ARHGAP26: variants seen among roughly 807,000 people sequenced by gnomAD.
The protein encoded by ARHGAP26 is rho GTPase-activating protein 26.
In ARHGAP26, 38 loss-of-function variants were observed where a neutral mutation model predicts 104.8. That is an observed-to-expected ratio of 0.36 (90% CI 0.28 to 0.48). The LOEUF (loss-of-function observed/expected upper bound fraction) is 0.48, where lower values mean the gene tolerates loss of function less well. Among genes scored for constraint, ARHGAP26 ranks in the 20% least tolerant of loss-of-function variants. The pLI is 0.99. For missense variants in ARHGAP26, 704 were observed against 947.9 expected (o/e 0.74, Z 3.38); for synonymous variants, 341 against 340.0 (o/e 1.00, Z -0.03).
At chr5:142,893,137 C>T (rs1174839916) in intron 5 of ARHGAP26, among the ~76,000 whole-genome samples, 1 of 151,822 alleles carries the variant, frequency 6.6e-6, no homozygotes, top group Non-Finnish European at 1.5e-5. Context: ...GCTACCATGC[C>T]CAGCTAATTT....
At chr5:143,207,511 T>A in intron 21 of ARHGAP26, 4 of 1,607,540 alleles carry the variant, frequency 2.5e-6, no homozygotes, top group Non-Finnish European at 3.4e-6. Flanking sequence ...TTCCCGTTTA[T>A]CCAAAGCTGG....
intron 10 of ARHGAP26, among the ~76,000 whole-genome samples, chr5:142,930,107 A>G (rs1764494465): frequency 6.6e-6 from 1 of 152,226 alleles, no homozygotes. Flanking sequence ...ATTCTGAAGC[A>G]GGTGGTACAG....
At chr5:142,913,681 A>G (rs1762126004) in intron 10 of ARHGAP26, among the ~76,000 whole-genome samples, 1 of 152,162 alleles carries the variant, frequency 6.6e-6, no homozygotes, top group Admixed American at 6.5e-5. Context: ...TTTTTAACTG[A>G]AAAAGTTAGT....
At chr5:143,090,930 T>C (rs1169811495) in intron 17 of ARHGAP26, among the ~76,000 whole-genome samples, 1 of 152,152 alleles carries the variant, frequency 6.6e-6, no homozygotes, top group Non-Finnish European at 1.5e-5. Context: ...CAGAGGTACT[T>C]TTCTGAAGTA....
intron 1 of ARHGAP26, among the ~76,000 whole-genome samples, chr5:142,776,553 C>T (rs78802686): frequency 0.016 from 2,381 of 152,240 alleles, 39 homozygotes; most frequent in South Asian, 0.028. Context: ...TGAGGCTCAT[C>T]GTGTTGTAGC....
intron 11 of ARHGAP26, among the ~76,000 whole-genome samples, chr5:143,006,338 T>A (rs62382764): frequency 2.8e-5 from 4 of 144,748 alleles, no homozygotes; most frequent in East Asian, 2.0e-4. Context: ...TTTTTTTTTT[T>A]AATTGCAGTT....
intron 11 of ARHGAP26, among the ~76,000 whole-genome samples, chr5:142,949,385 C>G (rs1020717587): frequency 1.3e-5 from 2 of 151,966 alleles, no homozygotes; most frequent in Non-Finnish European, 2.9e-5. Flanking sequence ...TTCCAGTAAG[C>G]CTTCATTTTT....
chr5:143,168,576 G>C (rs1397215578), intron 20 of ARHGAP26: 2 of 143,202 alleles, frequency 1.4e-5, no homozygotes, highest in Non-Finnish European at 1.5e-5. Flanking sequence ...GTTTTATAAT[G>C]TTAAAAAGCC....
intron 14 of ARHGAP26, among the ~76,000 whole-genome samples, chr5:143,052,315 C>T (rs1265012694): frequency 6.6e-6 from 1 of 151,884 alleles, no homozygotes; most frequent in Non-Finnish European, 1.5e-5. Flanking sequence ...ACTAAAAATA[C>T]AAAAATTAGC....
At chr5:143,194,671 A>G (rs1297675239) in intron 20 of ARHGAP26, among the ~76,000 whole-genome samples, 1 of 152,226 alleles carries the variant, frequency 6.6e-6, no homozygotes, top group East Asian at 1.9e-4. Context: ...GACAAGAACT[A>G]GAAGAGAATA....
chr5:142,825,411 C>T (rs780930379), intron 1 of ARHGAP26, among the ~76,000 whole-genome samples: 43 of 152,198 alleles, frequency 2.8e-4, no homozygotes, highest in Admixed American at 7.8e-4. Context: ...CCTTCCTGCT[C>T]GAGGTGCACA....
At chr5:142,861,443 T>G (rs2152309015) in intron 1 of ARHGAP26, among the ~76,000 whole-genome samples, 1 of 151,972 alleles carries the variant, frequency 6.6e-6, no homozygotes, top group South Asian at 2.1e-4. Context: ...ATTCTGATGC[T>G]TAGGAGTTGC....
intron 9 of ARHGAP26, 70 bp from the exon 10 acceptor site, chr5:142,913,129 T>A (rs1386155949): frequency 7.1e-6 from 9 of 1,263,236 alleles, no homozygotes; most frequent in Non-Finnish European, 9.3e-6. Context: ...TGTTTACATG[T>A]CATGTATGTC....
intron 11 of ARHGAP26, among the ~76,000 whole-genome samples, chr5:143,004,823 A>G (rs1406411278): frequency 1.3e-5 from 2 of 152,226 alleles, no homozygotes; most frequent in African/African-American, 4.8e-5. Flanking sequence ...AAGAACCAGG[A>G]TATAGCCAAT....
At chr5:143,149,429 C>A (rs890430165) in intron 20 of ARHGAP26, among the ~76,000 whole-genome samples, 1 of 152,112 alleles carries the variant, frequency 6.6e-6, no homozygotes, top group African/African-American at 2.4e-5. Flanking sequence ...ATGTCAAAGT[C>A]CCCCATAAGC....
In ARHGAP26 at chr5:142,903,687, C is replaced by G. The variant is rs1760694503; in HGVS notation, c.832+18C>G. On this transcript the variant is annotated intron_variant, in intron 8 of 22. Transcript: ENST00000645722. ...GGAGAAACGTGAGTGCTTTGACTAG[C>G]AACAGCTTGGGATGTACTCAGGCCT... 3 of 1,612,014 alleles carry G rather than the reference C, an allele frequency of 1.9e-6. No homozygotes were observed. Among genetic ancestry groups the G allele is most frequent in the Non-Finnish European group, 1.7e-6 (2 of 1,179,022 alleles).
At position 142,804,786 on chromosome 5, in the gene ARHGAP26, C is replaced by T. The variant is rs200173983; in HGVS notation, c.154+33871C>T. Among the ~76,000 whole-genome samples the T allele has an allele frequency of 9.3e-4, 141 of 152,284 alleles. No homozygotes were observed. The East Asian group carries it at 0.022, about 24-fold the overall frequency. ...GGATTACAGGCATGAGCCACCATGC[C>T]CGGGCTGAACAGATTTTTTTTTTTA... On this transcript the variant is annotated intron_variant, in intron 1 of 22. Transcript: ENST00000645722.
chr5:142,935,985 T>G (rs372703370), intron 11 of ARHGAP26, among the ~76,000 whole-genome samples: 1 of 152,090 alleles, frequency 6.6e-6, no homozygotes, highest in South Asian at 2.1e-4. Flanking sequence ...AGCAGAGGAC[T>G]GGAAGTCCTA....
chr5:143,068,470 T>C (rs1389182456), intron 17 of ARHGAP26, among the ~76,000 whole-genome samples: 1 of 152,224 alleles, frequency 6.6e-6, no homozygotes, highest in African/African-American at 2.4e-5. Context: ...GGGAACCCAG[T>C]GCTCCTACCT....
Sources: gnomAD v4.1 joint callset for allele counts (sites outside exome capture counted in the v4.1 genomes callset) on GRCh38, gnomAD v4.1.1 for gene constraint, MANE v1.5 for transcripts, NCBI Gene and HGNC (gene_info 2026-07-23, HGNC 2026-07-21) for gene names.